CNTNAP5: variants seen among roughly 807,000 people sequenced by gnomAD.
CNTNAP5 encodes contactin-associated protein-like 5.
CNTNAP5 carries 72 observed loss-of-function variants against 150.2 expected under a neutral mutation model. The ratio of observed to expected loss-of-function variants is 0.48; its 90% CI spans 0.40 to 0.58. The LOEUF (loss-of-function observed/expected upper bound fraction) is 0.58. CNTNAP5 is among the 20% of genes least tolerant of loss of function. The probability of loss-of-function intolerance (pLI) is 0.00; values close to 1 mark genes in which losing one functional copy is unlikely to be tolerated. For synonymous variants in CNTNAP5, 672 were observed against 619.8 expected (o/e 1.08, Z -1.25); for missense variants, 1,636 against 1,626.2 (o/e 1.01, Z -0.10).
intron 13 of CNTNAP5, among the ~76,000 whole-genome samples, chr2:124,745,532 G>T (rs1327647071): frequency 3.3e-5 from 5 of 152,150 alleles, no homozygotes; most frequent in East Asian, 1.9e-4. Context: ...TCTAGGCCAG[G>T]TGTGCTTGGC....
intron 13 of CNTNAP5, among the ~76,000 whole-genome samples, chr2:124,731,579 A>G (rs975836586): frequency 1.9e-4 from 29 of 151,990 alleles, no homozygotes; most frequent in African/African-American, 5.8e-4. Context: ...AGAAAGAAAG[A>G]AAGGAAGGAG....
At chr2:124,122,759 G>GACACACACACACACAC in intron 1 of CNTNAP5, among the ~76,000 whole-genome samples, 1 of 127,686 alleles carries the variant, frequency 7.8e-6, no homozygotes. Context: ...GGTGGTAAAA[G>GACACACACACACACAC]ACACACACAC....
At chr2:124,825,265 A>G (rs1682568980) in intron 19 of CNTNAP5, among the ~76,000 whole-genome samples, 1 of 152,218 alleles carries the variant, frequency 6.6e-6, no homozygotes, top group Non-Finnish European at 1.5e-5. Context: ...AAAGTAATTG[A>G]AGAACAGTAA....
intron 13 of CNTNAP5, among the ~76,000 whole-genome samples, chr2:124,696,601 A>G (rs1679411287): frequency 6.6e-6 from 1 of 152,186 alleles, no homozygotes; most frequent in African/African-American, 2.4e-5. Context: ...AGTTATGTTC[A>G]TTTAATAATC....
rs138671833 is a variant in CNTNAP5, at chr2:124,501,512, T to A, written c.1063-2780T>A. ...TTTGACACAATTCTAAAGTAATGTC[T>A]TCTCACATGGCTTTTCTAAATGGCC... On this transcript the variant is annotated intron_variant, in intron 7 of 23. Transcript: ENST00000682447. Among the ~76,000 whole-genome samples, 497 of 152,346 alleles carry A rather than the reference T, an allele frequency of 3.3e-3. 2 individuals are homozygous for A. Among genetic ancestry groups the A allele is most frequent in the African/African-American group, 0.011 (470 of 41,586 alleles).
rs563361225 is a variant in CNTNAP5, at chr2:124,093,407, A to C, written c.82+67675A>C. ...AGTTACTATTATGATTGCTGCCTGTAGATTCTTGACTTGCATTTTGAAGGA... is the reference window on the plus strand; with the variant it reads ...AGTTACTATTATGATTGCTGCCTGTCGATTCTTGACTTGCATTTTGAAGGA... On this transcript the variant is annotated intron_variant, in intron 1 of 23. Transcript: ENST00000682447. Among the ~76,000 whole-genome samples the C allele has an allele frequency of 9.6e-4, 147 of 152,350 alleles. 1 individual carries two copies. The highest frequency in any genetic ancestry group is 5.3e-3 in the Admixed American group (81 of 15,302).
At chr2:124,221,573 C>T (rs902152931) in intron 1 of CNTNAP5, 132 bp from the exon 2 acceptor site, 21 of 613,988 alleles carry the variant, frequency 3.4e-5, no homozygotes, top group Non-Finnish European at 5.2e-5. Context: ...ACATGGAAAC[C>T]GGGAGTACCT....
intron 7 of CNTNAP5, among the ~76,000 whole-genome samples, chr2:124,486,917 T>A (rs1202298211): frequency 6.6e-6 from 1 of 152,232 alleles, no homozygotes; most frequent in East Asian, 1.9e-4. Flanking sequence ...TCTAATAATT[T>A]ACCTGTCTAC....
At chr2:124,038,919 G>C (rs1030508669) in intron 1 of CNTNAP5, among the ~76,000 whole-genome samples, 1 of 152,214 alleles carries the variant, frequency 6.6e-6, no homozygotes, top group East Asian at 1.9e-4. Flanking sequence ...GAGCCACACT[G>C]GGTGTGCCCC....
chr2:124,574,677 A>C (rs1428864767), intron 11 of CNTNAP5, among the ~76,000 whole-genome samples: 1 of 152,236 alleles, frequency 6.6e-6, no homozygotes, highest in African/African-American at 2.4e-5. Context: ...AGTGAGCAAT[A>C]ATAAAACGAA....
intron 3 of CNTNAP5, among the ~76,000 whole-genome samples, chr2:124,387,543 A>G (rs1455212917): frequency 1.3e-5 from 2 of 152,008 alleles, no homozygotes; most frequent in Non-Finnish European, 2.9e-5. Context: ...TTTTGCGGGC[A>G]GGGTGGATCT....
chr2:124,788,757 C>A (rs185581731), intron 17 of CNTNAP5, among the ~76,000 whole-genome samples: 44 of 151,830 alleles, frequency 2.9e-4, no homozygotes, highest in Admixed American at 2.8e-3. Flanking sequence ...CTCAGCCTCC[C>A]GAGTAGCTGG....
rs780606060 is a variant in CNTNAP5, at chr2:124,789,972, G to A, written c.2823G>A (p.Met941Ile). 6.2e-7 allele frequency: 1 copy of A among 1,613,942 alleles called. No individual in the cohort carries two copies. Among genetic ancestry groups the A allele is most frequent in the Non-Finnish European group, 8.5e-7 (1 of 1,179,848 alleles). ...IRSLHLNGQKMDLEERAKVTS... is the reference protein window; with the variant it reads ...IRSLHLNGQKIDLEERAKVTS... ...CCTTACACTTGAATGGACAGAAAAT[G>A]GACCTGGAAGAGAGGGCAAAGGTCA... Residue 941 changes from methionine to isoleucine, a missense_variant, in exon 18 of 24, where the codon ATG becomes ATA. By Grantham distance (10) the Met-to-Ile change is conservative. Coordinates refer to ENST00000682447, the MANE Select transcript of CNTNAP5 (RefSeq NM_001367498.1).
At chr2:124,783,347 A>G (rs1681493833) in intron 17 of CNTNAP5, among the ~76,000 whole-genome samples, 1 of 152,218 alleles carries the variant, frequency 6.6e-6, no homozygotes, top group South Asian at 2.1e-4. Flanking sequence ...AGTTCCCCAT[A>G]TAGAATTACC....
intron 3 of CNTNAP5, among the ~76,000 whole-genome samples, chr2:124,412,411 C>T (rs147872134): frequency 0.15 from 22,079 of 145,374 alleles, 1,806 homozygotes; most frequent in Non-Finnish European, 0.19. Flanking sequence ...AAAAAGAGCC[C>T]GCATTGCCAA....
intron 7 of CNTNAP5, among the ~76,000 whole-genome samples, chr2:124,481,681 G>GT (rs1424540881): frequency 6.6e-6 from 1 of 151,976 alleles, no homozygotes; most frequent in Non-Finnish European, 1.5e-5. Context: ...TATTTTCAAT[G>GT]TTTTTAAAAC....
intron 19 of CNTNAP5, among the ~76,000 whole-genome samples, chr2:124,836,487 G>C (rs944804160): frequency 1.3e-5 from 2 of 152,048 alleles, no homozygotes; most frequent in Non-Finnish European, 2.9e-5. Context: ...TGGTGATTTG[G>C]TTTTCTGTTT....
chr2:124,683,108 T>C (rs1009595262), intron 13 of CNTNAP5, among the ~76,000 whole-genome samples: 1 of 152,190 alleles, frequency 6.6e-6, no homozygotes, highest in Non-Finnish European at 1.5e-5. Context: ...GCAATAATTT[T>C]GGTGTTTACT....
chr2:124,540,405 A>T lies in CNTNAP5; in HGVS notation c.1649+12949A>T, dbSNP rs117495954. Among the ~76,000 whole-genome samples, 22 of 152,310 alleles carry T rather than the reference A, an allele frequency of 1.4e-4. No individual in the cohort carries two copies. In the East Asian group the frequency reaches 4.1e-3, roughly 28 times the overall value. On this transcript the variant is annotated intron_variant, in intron 10 of 23. Coordinates refer to ENST00000682447, the MANE Select transcript of CNTNAP5 (RefSeq NM_001367498.1). ...TATGTACATAGCTGTGTATGTGTTCACATGCAATATGATATTAGCCTGTGA... is the reference window on the plus strand; with the variant it reads ...TATGTACATAGCTGTGTATGTGTTCTCATGCAATATGATATTAGCCTGTGA...
Sources: gnomAD v4.1 joint callset for allele counts (sites outside exome capture counted in the v4.1 genomes callset) on GRCh38, gnomAD v4.1.1 for gene constraint, MANE v1.5 for transcripts, NCBI Gene and HGNC (gene_info 2026-07-23, HGNC 2026-07-21) for gene names.